The following LAMA3 variants were observed in gnomAD, a reference collection of about 807,000 sequenced individuals.
The protein encoded by LAMA3 is laminin subunit alpha 3, also known as laminin subunit alpha-3.
Under a neutral mutation model 402.0 loss-of-function variants are expected in LAMA3, and 281 were observed. The ratio of observed to expected loss-of-function variants is 0.70; its 90% CI spans 0.63 to 0.77. The LOEUF (loss-of-function observed/expected upper bound fraction) is 0.77, where lower values mean the gene tolerates loss of function less well. LAMA3 is among the 30% of genes least tolerant of loss of function. The pLI is 0.00. For missense variants in LAMA3, 3,840 were observed against 4,215.5 expected (o/e 0.91, Z 2.47); for synonymous variants, 1,431 against 1,558.4 (o/e 0.92, Z 1.93).
intron 32 of LAMA3, among the ~76,000 whole-genome samples, chr18:23,851,333 G>T (rs1206634344): frequency 6.6e-6 from 1 of 152,206 alleles, no homozygotes; most frequent in Non-Finnish European, 1.5e-5. Context: ...CTCTGATGAT[G>T]CTTCTCTGGC....
intron 32 of LAMA3, among the ~76,000 whole-genome samples, chr18:23,849,949 CA>C (rs1422127500): frequency 2.0e-4 from 31 of 152,188 alleles, no homozygotes; most frequent in Admixed American, 6.5e-5. Flanking sequence ...GTAAATTGCA[CA>C]AATTGCCCAT....
At chr18:23,912,963 C>T in intron 56 of LAMA3, 82 bp downstream of exon 56, 3 of 1,234,108 alleles carry the variant, frequency 2.4e-6, no homozygotes, top group Non-Finnish European at 2.4e-6. Flanking sequence ...GGCACGGCTG[C>T]ATCACTGCCA....
At chr18:23,840,377 CTTTCTTTTTT>C (rs2063672438) in intron 27 of LAMA3, among the ~76,000 whole-genome samples, 1 of 79,514 alleles carries the variant, frequency 1.3e-5, no homozygotes, top group African/African-American at 5.8e-5. Context: ...AAGAACCTTT[CTTTCTTTTTT>C]TTTTTTTTTT....
chr18:23,714,213 A>G (rs181846224), intron 2 of LAMA3, 141 bp downstream of exon 2: 4 of 901,268 alleles, frequency 4.4e-6, no homozygotes, highest in Non-Finnish European at 6.7e-6. Flanking sequence ...TTACATTAAC[A>G]TTTGCTTCCC....
At chr18:23,844,945 A>G (rs2144616242) in intron 29 of LAMA3, 64 bp from the exon 30 acceptor site, 1 of 945,568 alleles carries the variant, frequency 1.1e-6, no homozygotes, top group Non-Finnish European at 1.7e-6. Flanking sequence ...AACCTGTATA[A>G]TAAGTAGCCT....
intron 1 of LAMA3, among the ~76,000 whole-genome samples, chr18:23,695,349 G>A (rs962920958): frequency 5.9e-5 from 9 of 152,208 alleles, no homozygotes; most frequent in African/African-American, 2.2e-4. Flanking sequence ...ACCATTCAGT[G>A]TATGCGTGTT....
intron 57 of LAMA3, 43 bp downstream of exon 57, chr18:23,914,604 T>G (rs1414566906): frequency 6.2e-7 from 1 of 1,611,758 alleles, no homozygotes. Context: ...CAAACTTCCA[T>G]GTATACATGT....
At chr18:23,747,869 G>T in intron 2 of LAMA3, 74 bp from the exon 3 acceptor site, 1 of 890,966 alleles carries the variant, frequency 1.1e-6, no homozygotes. Context: ...TTGGGAATCA[G>T]CATCACATAG....
chr18:23,733,355 G>A (rs574920604), intron 2 of LAMA3, among the ~76,000 whole-genome samples: 1 of 152,312 alleles, frequency 6.6e-6, no homozygotes, highest in South Asian at 2.1e-4. Flanking sequence ...AGTTCCACAT[G>A]GCTAGGGAGA....
At chr18:23,840,375 T>C (rs2063671233) in intron 27 of LAMA3, among the ~76,000 whole-genome samples, 1 of 113,646 alleles carries the variant, frequency 8.8e-6, no homozygotes, top group South Asian at 3.1e-4. Flanking sequence ...CCAAGAACCT[T>C]TCTTTCTTTT....
intron 1 of LAMA3, among the ~76,000 whole-genome samples, chr18:23,710,910 T>A (rs900414841): frequency 6.6e-6 from 1 of 152,200 alleles, no homozygotes; most frequent in Non-Finnish European, 1.5e-5. Context: ...AAACAGAAAG[T>A]GTATGTTACA....
chr18:23,951,252 G>A (rs1269701973), intron 72 of LAMA3, among the ~76,000 whole-genome samples: 1 of 152,196 alleles, frequency 6.6e-6, no homozygotes, highest in African/African-American at 2.4e-5. Context: ...TGCCATGCAT[G>A]GAACTATTAC....
Position 23,876,374 on chromosome 18 carries a change from A to C in LAMA3, c.5079A>C (p.Ser1693=), listed in dbSNP as rs1354106612. The C allele has an allele frequency of 1.9e-6, 3 of 1,613,590 alleles. No homozygotes were observed. Among genetic ancestry groups the C allele is most frequent in the African/African-American group, 1.3e-5 (1 of 74,924 alleles). The change falls in exon 39 of 75, where the codon TCA becomes TCC. Residue 1693 remains serine (S), a synonymous_variant. Transcript: ENST00000313654. Reference sequence around the variant, plus strand: ...TTCCCTGCAATTGCAACGGACATTCAAATCAATGCCAGGATGGCTCAGGCA... The same window carrying C: ...TTCCCTGCAATTGCAACGGACATTCCAATCAATGCCAGGATGGCTCAGGCA... The part of the protein sequence containing the change: ...RCVPCNCNGH[S]NQCQDGSGIC...
chr18:23,908,533 C>CAAAAAAAAAAAAA (rs111961159), intron 54 of LAMA3, among the ~76,000 whole-genome samples: 1 of 57,026 alleles, frequency 1.8e-5, no homozygotes, highest in Non-Finnish European at 4.1e-5. Context: ...CCATCTCAAA[C>CAAAAAAAAAAAAA]AAAAAAAAAA....
chr18:23,894,812 C>T (rs1052249022), intron 43 of LAMA3, 95 bp from the exon 44 acceptor site: 43 of 1,493,616 alleles, frequency 2.9e-5, no homozygotes, highest in Middle Eastern at 2.0e-4. Flanking sequence ...TGACGATCTG[C>T]GTGCATGCCA....
At chr18:23,885,806 A>G (rs909598271) in intron 41 of LAMA3, among the ~76,000 whole-genome samples, 1 of 152,210 alleles carries the variant, frequency 6.6e-6, no homozygotes, top group Admixed American at 6.5e-5. Flanking sequence ...CCCCCCTACA[A>G]CCTAGCCCTG....
rs1396294888 is a variant in LAMA3, at chr18:23,689,675, C to T, written c.-9C>T. On this transcript the variant is annotated 5_prime_UTR_variant, in exon 1 of 75. Transcript: ENST00000313654. ...GGACGGCTCAGGCGGGAGGACCCCG[C>T]GCGGCTGGATGGCGGCGGCCGCGCG... The T allele has an allele frequency of 1.3e-5, 17 of 1,312,366 alleles. No homozygotes were observed. Among genetic ancestry groups the T allele is most frequent in the Middle Eastern group, 2.9e-4 (1 of 3,488 alleles). 81.3% of individuals were successfully genotyped at this position (1,312,366 alleles called of 1,614,324 possible). A position where few individuals can be genotyped will look rare whatever the true frequency, so the allele number is the denominator to read the frequency against.
At chr18:23,758,849 T>C (rs1338010791) in intron 7 of LAMA3, among the ~76,000 whole-genome samples, 2 of 152,122 alleles carry the variant, frequency 1.3e-5, no homozygotes, top group Non-Finnish European at 2.9e-5. Context: ...TGATACTGGA[T>C]AGGAATCAAC....
At chr18:23,695,503 A>G (rs1292416749) in intron 1 of LAMA3, among the ~76,000 whole-genome samples, 1 of 152,130 alleles carries the variant, frequency 6.6e-6, no homozygotes, top group Non-Finnish European at 1.5e-5. Flanking sequence ...GGCTGAACAA[A>G]TATTTAGAGA....
Sources: allele counts gnomAD v4.1 joint callset (sites outside exome capture counted in the v4.1 genomes callset), GRCh38; gene constraint gnomAD v4.1.1; transcripts MANE v1.5; gene names NCBI Gene and HGNC (gene_info 2026-07-23, HGNC 2026-07-21).